GNAL: variants seen among roughly 807,000 people sequenced by gnomAD.
GNAL encodes G protein subunit alpha L, also known as guanine nucleotide-binding protein G(olf) subunit alpha.
GNAL carries 18 observed loss-of-function variants against 55.1 expected under a neutral mutation model. The observed-to-expected ratio is 0.33, with a 90% confidence interval of 0.23 to 0.48. The LOEUF (loss-of-function observed/expected upper bound fraction) is 0.48, where lower values mean the gene tolerates loss of function less well. Ranked by LOEUF, GNAL falls within the 20% of genes least tolerant of loss-of-function variation. GNAL has a pLI of 0.99. For missense variants in GNAL, 412 were observed against 614.1 expected (o/e 0.67, Z 3.48); for synonymous variants, 253 against 237.0 (o/e 1.07, Z -0.62).
chr18:11,777,231 G>A (rs185394922), intron 4 of GNAL, among the ~76,000 whole-genome samples: 44 of 152,246 alleles, frequency 2.9e-4, no homozygotes, highest in African/African-American at 9.1e-4. Context: ...TTCCAGGACC[G>A]GTATCATTAC....
chr18:11,798,182 A>G (rs575558360), intron 4 of GNAL, among the ~76,000 whole-genome samples: 2 of 152,362 alleles, frequency 1.3e-5, no homozygotes, highest in South Asian at 4.1e-4. Context: ...AGACTTTACA[A>G]CACAGTGAGA....
At chr18:11,827,262 A>G (rs2035270220) in intron 5 of GNAL, among the ~76,000 whole-genome samples, 1 of 152,214 alleles carries the variant, frequency 6.6e-6, no homozygotes, top group Non-Finnish European at 1.5e-5. Flanking sequence ...AGCCACCTCC[A>G]TTATACACTA....
At chr18:11,726,627 G>A (rs142931187) in intron 1 of GNAL, among the ~76,000 whole-genome samples, 1 of 152,262 alleles carries the variant, frequency 6.6e-6, no homozygotes, top group African/African-American at 2.4e-5. Flanking sequence ...CTTCCTGGAC[G>A]GTGGGTCCTT....
intron 5 of GNAL, among the ~76,000 whole-genome samples, chr18:11,843,234 CACGCCTGTAATCCT>C (rs1466427298): frequency 1.3e-5 from 2 of 152,000 alleles, no homozygotes; most frequent in Admixed American, 1.3e-4. Flanking sequence ...TGTGGTGGCT[CACGCCTGTAATCCT>C]AGCACTTTGG....
In GNAL at chr18:11,884,568, C is replaced by T. The variant is rs200811291; in HGVS notation, c.*3433C>T. On this transcript the variant is annotated 3_prime_UTR_variant, in exon 12 of 12. Coordinates refer to ENST00000334049, the MANE Select transcript of GNAL (RefSeq NM_182978.4). ...CCACTCCACAGTAGATGATCAAAAC[C>T]ACATCCTCACGTGGGAGGTAGCACT... The T allele has an allele frequency of 1.2e-5, 19 of 1,614,006 alleles. No homozygotes were observed. In the East Asian group the frequency reaches 3.8e-4, roughly 32 times the overall value.
At chr18:11,737,762 C>T (rs1400200082) in intron 1 of GNAL, among the ~76,000 whole-genome samples, 2 of 152,214 alleles carry the variant, frequency 1.3e-5, no homozygotes, top group Non-Finnish European at 2.9e-5. Context: ...GACATATCAG[C>T]CCAGAGGAAG....
In GNAL at chr18:11,782,312, G is replaced by A. The variant is rs573254684; in HGVS notation, c.624+28367G>A. On this transcript the variant is annotated intron_variant, in intron 4 of 11. Coordinates refer to ENST00000334049, the MANE Select transcript of GNAL (RefSeq NM_182978.4). ...AGCCTGGGTGACAGAGCTAGACTCC[G>A]TCTCAAAAGAAAAAAAGAAAAAGAA... Among the ~76,000 whole-genome samples, 500 of 152,022 alleles carry A rather than the reference G, an allele frequency of 3.3e-3. 2 individuals are homozygous for A. Among genetic ancestry groups the A allele is most frequent in the Admixed American group, 5.0e-3 (76 of 15,256 alleles).
At chr18:11,851,254 G>A (rs1380216800) in intron 5 of GNAL, 1 of 457,872 alleles carries the variant, frequency 2.2e-6, no homozygotes, top group African/African-American at 2.0e-5. Context: ...CCGCCGCAGC[G>A]CCGGAGCGTC....
chr18:11,763,623 TCCCTC>T (rs2143202990), intron 4 of GNAL, among the ~76,000 whole-genome samples: 1 of 151,914 alleles, frequency 6.6e-6, no homozygotes, highest in South Asian at 2.1e-4. Flanking sequence ...GTGATCCACC[TCCCTC>T]CCAAAGTGCC....
Position 11,872,482 on chromosome 18 carries a change from A to G in GNAL, c.1162+84A>G, listed in dbSNP as rs965357131. ...TGTAACTCTAATTCACATACCTCTG[A>G]TGAATCAAAGAAATTCACTTTATTT... On this transcript the variant is annotated intron_variant, in intron 10 of 11. Transcript: ENST00000334049. 1.8e-5 allele frequency: 15 copies of G among 846,982 alleles called. 1 individual carries two copies. In the South Asian group the frequency reaches 2.4e-4, roughly 13 times the overall value. 52.5% of individuals were successfully genotyped at this position (846,982 alleles called of 1,614,324 possible). A position where few individuals can be genotyped will look rare whatever the true frequency, so the allele number is the denominator to read the frequency against.
intron 11 of GNAL, among the ~76,000 whole-genome samples, chr18:11,879,865 A>G (rs1161014276): frequency 2.0e-5 from 3 of 151,732 alleles, no homozygotes; most frequent in Non-Finnish European, 4.4e-5. Flanking sequence ...TAACCAGGGG[A>G]CACCCTGCTT....
intron 1 of GNAL, among the ~76,000 whole-genome samples, chr18:11,706,389 G>A (rs143210744): frequency 6.6e-6 from 1 of 152,306 alleles, no homozygotes; most frequent in African/African-American, 2.4e-5. Context: ...TGAGCCTTCA[G>A]TGAGTCCGGA....
intron 1 of GNAL, among the ~76,000 whole-genome samples, chr18:11,722,097 G>A (rs75319086): frequency 0.018 from 2,679 of 152,116 alleles, 76 homozygotes; most frequent in African/African-American, 0.061. Flanking sequence ...CATTCACCTT[G>A]GTTTTGAATT....
intron 5 of GNAL, among the ~76,000 whole-genome samples, chr18:11,841,374 G>A (rs1292893368): frequency 6.6e-6 from 1 of 152,052 alleles, no homozygotes; most frequent in Non-Finnish European, 1.5e-5. Flanking sequence ...TGCTAGGGCC[G>A]GGCACGGTGG....
chr18:11,719,935 G>T (rs893182510), intron 1 of GNAL, among the ~76,000 whole-genome samples: 12 of 152,254 alleles, frequency 7.9e-5, no homozygotes, highest in African/African-American at 2.9e-4. Flanking sequence ...TGGGAGGTTG[G>T]TGGACCACAC....
Position 11,884,628 on chromosome 18 carries a change from C to G in GNAL, c.*3493C>G. ...TGTAGTCTGTGGGCGTGATGCTACC[C>G]TGGAAAGGAGAAGGGAAAGTTATGC... is the stretch of plus-strand genomic sequence containing the variant. On this transcript the variant is annotated 3_prime_UTR_variant, in exon 12 of 12. Transcript: ENST00000334049. 6.2e-7 allele frequency: 1 copy of G among 1,612,740 alleles called. No homozygotes were observed. The highest frequency in any genetic ancestry group is 1.3e-5 in the African/African-American group (1 of 74,930).
chr18:11,748,810 T>C (rs2143064296), intron 1 of GNAL, among the ~76,000 whole-genome samples: 1 of 152,140 alleles, frequency 6.6e-6, no homozygotes, highest in Middle Eastern at 3.4e-3. Context: ...TCTATGCTTT[T>C]TTCAAAAAAA....
In GNAL at chr18:11,884,418, T is replaced by G. The variant is rs138048362; in HGVS notation, c.*3283T>G. On this transcript the variant is annotated 3_prime_UTR_variant, in exon 12 of 12. Transcript: ENST00000334049. ...CTGCCCAAAGTTCCATTTCTTGGGC[T>G]TTGATATTTATAATGGCGCCTGCTC... The G allele has an allele frequency of 8.7e-6, 14 of 1,607,042 alleles. No individual in the cohort carries two copies. The African/African-American group carries it at 1.7e-4, about 20-fold the overall frequency.
intron 4 of GNAL, among the ~76,000 whole-genome samples, chr18:11,763,443 G>A (rs1173960166): frequency 6.6e-6 from 1 of 151,288 alleles, no homozygotes; most frequent in African/African-American, 2.4e-5. Context: ...ACAGAGTCTC[G>A]CTCTGTCTCC....
Sources: allele counts gnomAD v4.1 joint callset (sites outside exome capture counted in the v4.1 genomes callset), GRCh38; gene constraint gnomAD v4.1.1; transcripts MANE v1.5; gene names NCBI Gene and HGNC (gene_info 2026-07-23, HGNC 2026-07-21).